Variants in GRIA3 observed in about 807,000 individuals in gnomAD.
GRIA3 encodes glutamate ionotropic receptor AMPA type subunit 3.
GRIA3 carries 3 observed loss-of-function variants against 63.0 expected under a neutral mutation model. The ratio of observed to expected loss-of-function variants is 0.05; its 90% CI spans 0.02 to 0.12. GRIA3 has a LOEUF of 0.12. GRIA3 is among the 10% of genes least tolerant of loss of function. GRIA3 has a pLI of 1.00. For synonymous variants in GRIA3, 274 were observed against 257.9 expected, an observed-to-expected ratio of 1.06 and a Z score of -0.60; for missense variants, 347 against 700.9, an observed-to-expected ratio of 0.50 and a Z score of 5.70.
intron 3 of GRIA3, among the ~76,000 whole-genome samples, chrX:123,286,097 A>C (rs2044617859): frequency 8.9e-6 from 1 of 112,142 alleles, no homozygotes; most frequent in African/African-American, 3.2e-5. Context: ...TCAAATTAGA[A>C]CTCAGGATTA....
intron 10 of GRIA3, among the ~76,000 whole-genome samples, chrX:123,406,705 C>G (rs1001820194): frequency 4.5e-5 from 5 of 111,206 alleles, no homozygotes; most frequent in Non-Finnish European, 5.7e-5. Flanking sequence ...CAAGATCGGT[C>G]CTGGGAACTG....
intron 4 of GRIA3, among the ~76,000 whole-genome samples, chrX:123,330,910 CTG>C (rs758201439): frequency 1.8e-5 from 2 of 112,103 alleles, no homozygotes; most frequent in African/African-American, 6.5e-5. Context: ...CAAATTAATC[CTG>C]TGTGTTGACA....
At chrX:123,442,026 T>C (rs1432147463) in intron 12 of GRIA3, among the ~76,000 whole-genome samples, 4 of 112,119 alleles carry the variant, frequency 3.6e-5, no homozygotes, top group Non-Finnish European at 7.5e-5. Flanking sequence ...CAAGGAAAAA[T>C]ATAAATAAAT....
intron 5 of GRIA3, among the ~76,000 whole-genome samples, chrX:123,384,550 G>A (rs976546993): frequency 3.6e-5 from 4 of 111,750 alleles, no homozygotes; most frequent in African/African-American, 1.3e-4. Flanking sequence ...ACTTGAACCC[G>A]GGCAGCGGAG....
At chrX:123,362,827 C>T (rs894497354) in intron 5 of GRIA3, among the ~76,000 whole-genome samples, 1 of 112,069 alleles carries the variant, frequency 8.9e-6, no homozygotes, top group Non-Finnish European at 1.9e-5. Flanking sequence ...CCCCACTGAA[C>T]TGAAGTGCCA....
intron 4 of GRIA3, among the ~76,000 whole-genome samples, chrX:123,344,971 G>A (rs2045034396): frequency 2.7e-5 from 3 of 112,049 alleles, no homozygotes; most frequent in Non-Finnish European, 5.6e-5. Flanking sequence ...ACCTAGACTT[G>A]AGAATTAGAG....
chrX:123,310,777 C>T lies in GRIA3; in HGVS notation c.509-15249C>T, dbSNP rs748776369. 1.2e-4 allele frequency among the ~76,000 whole-genome samples: 13 copies of T among 111,992 alleles called. No individual in the cohort carries two copies. The East Asian group carries it at 2.2e-3, about 19-fold the overall frequency. On this transcript the variant is annotated intron_variant, in intron 3 of 15. Transcript: ENST00000620443. ...CAACACTTTGGGAGGCCAAGGCGGG[C>T]GGATCACTTGAGGACAGGGGTTCAA... is the stretch of plus-strand genomic sequence containing the variant.
intron 3 of GRIA3, among the ~76,000 whole-genome samples, chrX:123,280,909 C>T (rs2044582503): frequency 9.0e-6 from 1 of 111,670 alleles, no homozygotes; most frequent in Non-Finnish European, 1.9e-5. Flanking sequence ...CCTGGATTCA[C>T]TTGATCTTCA....
At chrX:123,200,433 T>C (rs1927695299) in intron 2 of GRIA3, among the ~76,000 whole-genome samples, 2 of 110,301 alleles carry the variant, frequency 1.8e-5, no homozygotes, top group Non-Finnish European at 3.8e-5. Flanking sequence ...ACTCTTTAAA[T>C]GTTCTTTAAA....
At chrX:123,284,409 T>C (rs893027152) in intron 3 of GRIA3, among the ~76,000 whole-genome samples, 2 of 111,391 alleles carry the variant, frequency 1.8e-5, no homozygotes, top group Non-Finnish European at 3.8e-5. Flanking sequence ...TTTGAGGAAT[T>C]GACAGAAGTA....
chrX:123,372,256 T>C (rs973860255), intron 5 of GRIA3, among the ~76,000 whole-genome samples: 1 of 112,059 alleles, frequency 8.9e-6, no homozygotes, highest in African/African-American at 3.2e-5. Flanking sequence ...GCCAGTATCA[T>C]GCTGTTTTGG....
chrX:123,313,448 G>A (rs2044811129), intron 3 of GRIA3, among the ~76,000 whole-genome samples: 1 of 111,092 alleles, frequency 9.0e-6, no homozygotes, highest in Non-Finnish European at 1.9e-5. Context: ...GGATCAAGGA[G>A]TCTCAGCACT....
intron 4 of GRIA3, among the ~76,000 whole-genome samples, chrX:123,330,122 T>C (rs1368116766): frequency 8.9e-6 from 1 of 112,072 alleles, no homozygotes; most frequent in African/African-American, 3.2e-5. Flanking sequence ...GATGAGTTAA[T>C]ATATGCAAAC....
In GRIA3 at chrX:123,363,342, T is replaced by C. The variant is rs1346230201; in HGVS notation, c.750+8379T>C. On this transcript the variant is annotated intron_variant, in intron 5 of 15. Transcript: ENST00000620443. The stretch of plus-strand genomic sequence containing the variant: ...TGTACAAAATGTGCCCTAATAATAG[T>C]ACTGTATGAAGGAAAACTCCACATC... Among the ~76,000 whole-genome samples, 5 of 112,519 alleles carry C rather than the reference T, an allele frequency of 4.4e-5. No individual in the cohort carries two copies. In the South Asian group the frequency reaches 1.1e-3, roughly 25 times the overall value.
At chrX:123,270,314 G>A (rs567721016) in intron 3 of GRIA3, among the ~76,000 whole-genome samples, 90 of 112,495 alleles carry the variant, frequency 8.0e-4, no homozygotes, top group African/African-American at 2.8e-3. Context: ...GAAAGCAAAG[G>A]ACAGCCATTG....
At chrX:123,377,337 T>C (rs1002920977) in intron 5 of GRIA3, among the ~76,000 whole-genome samples, 1 of 112,178 alleles carries the variant, frequency 8.9e-6, no homozygotes, top group Non-Finnish European at 1.9e-5. Flanking sequence ...CTTTTGTAAC[T>C]TGGAGTTTGT....
At position 123,371,186 on chromosome X, in the gene GRIA3, C is replaced by T. The variant is rs188960069; in HGVS notation, c.750+16223C>T. Among the ~76,000 whole-genome samples the T allele has an allele frequency of 2.5e-3, 273 of 110,542 alleles. 2 individuals carry two copies. The highest frequency in any genetic ancestry group is 4.0e-3 in the Non-Finnish European group (213 of 52,951). ...CTCTTAGCATAATGACCTCCAGTTC[C>T]ATCCATGTTGTTGCAAATGACAGGA... On this transcript the variant is annotated intron_variant, in intron 5 of 15. Transcript: ENST00000620443.
intron 6 of GRIA3, 46 bp downstream of exon 6, chrX:123,395,175 G>T: frequency 2.0e-6 from 2 of 1,025,520 alleles, no homozygotes; most frequent in Non-Finnish European, 2.8e-6. Context: ...GCTTTTCAAA[G>T]TATCTCAGTA....
intron 2 of GRIA3, among the ~76,000 whole-genome samples, chrX:123,199,274 AT>A (rs5903635): frequency 0.017 from 1,312 of 78,574 alleles, 15 homozygotes; most frequent in African/African-American, 0.044. Context: ...AGTCTTTTAA[AT>A]TTTTTTTTTT....
Sources: allele counts gnomAD v4.1 joint callset (sites outside exome capture counted in the v4.1 genomes callset), GRCh38; gene constraint gnomAD v4.1.1; transcripts MANE v1.5; gene names NCBI Gene and HGNC (gene_info 2026-07-23, HGNC 2026-07-21).